The following DEPTOR variants were observed in gnomAD, a reference collection of about 807,000 sequenced individuals.
DEPTOR encodes the protein DEP domain-containing mTOR-interacting protein.
In DEPTOR, 41 loss-of-function variants were observed where a neutral mutation model predicts 41.6. The ratio of observed to expected loss-of-function variants is 0.98; its 90% confidence interval spans 0.77 to 1.28. DEPTOR has a LOEUF of 1.28. Ranked by LOEUF, DEPTOR falls within the 50% of genes most tolerant of loss-of-function variation. The pLI is 0.00. For missense variants in DEPTOR, 514 were observed against 527.9 expected, an observed-to-expected ratio of 0.97 and a Z score of 0.26; for synonymous variants, 195 against 192.3, an observed-to-expected ratio of 1.01 and a Z score of -0.12.
In DEPTOR at chr8:119,941,373, CAAAAAAAAA is replaced by C. The variant is rs749120675; in HGVS notation, c.425+11451_425+11459del. ...GGGCAACAAGAGCAAATCTCCATCT[CAAAAAAAAA>C]AAAAAAAAAAAAAAAGGTTAGAATG... On this transcript the variant is annotated intron_variant, in intron 3 of 8. Coordinates refer to ENST00000286234, the MANE Select transcript of DEPTOR (RefSeq NM_022783.4). 1.1e-3 allele frequency among the ~76,000 whole-genome samples: 43 copies of C among 39,962 alleles called. 1 individual carries two copies. The highest frequency in any genetic ancestry group is 4.4e-3 in the African/African-American group (37 of 8,436). The allele number at this position is 39,962 out of a possible 152,430, so 26.2% of individuals were successfully genotyped here.
chr8:119,974,601 G>A (rs28415366), intron 4 of DEPTOR, among the ~76,000 whole-genome samples: 106,666 of 152,050 alleles, frequency 0.7, 37,804 homozygotes, highest in Middle Eastern at 0.86. Context: ...GTGAAACCCC[G>A]TCTCTACTAA....
intron 3 of DEPTOR, among the ~76,000 whole-genome samples, chr8:119,953,590 CAAAA>C (rs59533834): frequency 1.4e-5 from 1 of 69,376 alleles, no homozygotes; most frequent in Admixed American, 1.7e-4. Context: ...GACTCTGTCT[CAAAA>C]AAAAAAAAAA....
chr8:120,030,564 T>G (rs1812877023), intron 8 of DEPTOR, among the ~76,000 whole-genome samples: 1 of 134,682 alleles, frequency 7.4e-6, no homozygotes, highest in South Asian at 2.5e-4. Flanking sequence ...TGGAGTGCAG[T>G]GGTGTGATCT....
At chr8:119,980,532 T>TCTC (rs1828753136) in intron 4 of DEPTOR, among the ~76,000 whole-genome samples, 1 of 145,718 alleles carries the variant, frequency 6.9e-6, no homozygotes, top group African/African-American at 2.5e-5. Flanking sequence ...TGTTTTTTTT[T>TCTC]TGGAGATGGA....
chr8:120,035,734 G>A (rs757264411), intron 8 of DEPTOR, among the ~76,000 whole-genome samples: 88 of 152,140 alleles, frequency 5.8e-4, no homozygotes, highest in Non-Finnish European at 5.7e-4. Context: ...GTTTCGCCAC[G>A]TTGGCCAGGC....
At chr8:120,004,203 T>C (rs1444464027) in intron 6 of DEPTOR, among the ~76,000 whole-genome samples, 1 of 152,250 alleles carries the variant, frequency 6.6e-6, no homozygotes, top group African/African-American at 2.4e-5. Flanking sequence ...GAAAACTCTG[T>C]CATCTAATGG....
chr8:119,873,786 TC>T lies in DEPTOR; in HGVS notation c.-59del, dbSNP rs755014490. 1 of 1,600,164 alleles carries T rather than the reference TC, an allele frequency of 6.2e-7. No individual in the cohort carries two copies. The highest frequency in any genetic ancestry group is 2.3e-5 in the East Asian group (1 of 44,002). ...GGAAGCGTCTGTGAGGGCAGACTGA[TC>T]CGAGCACCCAAACCCTCGGCGGACA... is the stretch of plus-strand genomic sequence containing the variant. On this transcript the variant is annotated 5_prime_UTR_variant, in exon 1 of 9. Transcript: ENST00000286234.
At chr8:119,974,306 A>T (rs374661095) in intron 4 of DEPTOR, among the ~76,000 whole-genome samples, 6 of 146,288 alleles carry the variant, frequency 4.1e-5, no homozygotes, top group African/African-American at 1.5e-4. Context: ...GCAAGATTAC[A>T]CCGAGGAGGA....
At chr8:119,887,095 T>TCCCTTC (rs1262341993) in intron 1 of DEPTOR, among the ~76,000 whole-genome samples, 2 of 118,968 alleles carry the variant, frequency 1.7e-5, no homozygotes, top group Non-Finnish European at 3.4e-5. Flanking sequence ...TTTTTACCAG[T>TCCCTTC]CCCTTCCCCT....
intron 8 of DEPTOR, among the ~76,000 whole-genome samples, chr8:120,013,880 G>A (rs1188909588): frequency 1.4e-5 from 2 of 145,250 alleles, no homozygotes; most frequent in Non-Finnish European, 3.0e-5. Flanking sequence ...CACTCTCGTC[G>A]CCCAGCTGGC....
At chr8:119,893,852 G>A (rs981140103) in intron 1 of DEPTOR, among the ~76,000 whole-genome samples, 1 of 151,970 alleles carries the variant, frequency 6.6e-6, no homozygotes, top group African/African-American at 2.4e-5. Context: ...TACCCTACCA[G>A]TGTTCCTCCA....
At chr8:119,976,347 T>G (rs1828696396) in intron 4 of DEPTOR, among the ~76,000 whole-genome samples, 1 of 152,124 alleles carries the variant, frequency 6.6e-6, no homozygotes, top group African/African-American at 2.4e-5. Flanking sequence ...GTATTCCTAT[T>G]GGTTTGGCGC....
chr8:119,877,473 C>G (rs1026727835), intron 1 of DEPTOR, among the ~76,000 whole-genome samples: 1 of 152,182 alleles, frequency 6.6e-6, no homozygotes, highest in African/African-American at 2.4e-5. Flanking sequence ...TCTGTAGCTC[C>G]CCTCTCACTG....
intron 8 of DEPTOR, among the ~76,000 whole-genome samples, chr8:120,031,505 C>T (rs537109355): frequency 2.0e-5 from 3 of 152,108 alleles, no homozygotes; most frequent in South Asian, 4.2e-4. Flanking sequence ...TTTGCATTTA[C>T]TTATGTGCTC....
At chr8:119,980,987 T>G (rs1210452997) in intron 4 of DEPTOR, among the ~76,000 whole-genome samples, 2 of 152,218 alleles carry the variant, frequency 1.3e-5, no homozygotes, top group African/African-American at 4.8e-5. Flanking sequence ...TTCACAATCC[T>G]ATTTTCTTTC....
At chr8:120,023,253 T>C (rs376826312) in intron 8 of DEPTOR, among the ~76,000 whole-genome samples, 28 of 152,278 alleles carry the variant, frequency 1.8e-4, no homozygotes, top group African/African-American at 6.7e-4. Flanking sequence ...TTCTTTTTTT[T>C]GTTTTTTGAG....
At chr8:119,896,163 A>G (rs1436403688) in intron 1 of DEPTOR, among the ~76,000 whole-genome samples, 2 of 152,332 alleles carry the variant, frequency 1.3e-5, no homozygotes, top group East Asian at 1.9e-4. Flanking sequence ...AAAAACCAGT[A>G]TTTATTGAAC....
intron 1 of DEPTOR, among the ~76,000 whole-genome samples, chr8:119,899,952 C>T (rs1184729081): frequency 1.3e-5 from 2 of 152,042 alleles, no homozygotes; most frequent in African/African-American, 4.8e-5. Flanking sequence ...GTTCTTGTTT[C>T]TTGTAATCAA....
chr8:119,953,801 C>CTTT (rs35043841), intron 3 of DEPTOR, among the ~76,000 whole-genome samples: 3 of 119,678 alleles, frequency 2.5e-5, no homozygotes, highest in African/African-American at 6.4e-5. Context: ...CAGATAGCTT[C>CTTT]TTTTTTTTTT....
Sources: gnomAD v4.1 joint callset for allele counts (sites outside exome capture counted in the v4.1 genomes callset) on GRCh38, gnomAD v4.1.1 for gene constraint, MANE v1.5 for transcripts, NCBI Gene and HGNC (gene_info 2026-07-23, HGNC 2026-07-21) for gene names.